UBN2: variants seen among roughly 807,000 people sequenced by gnomAD.
UBN2 encodes ubinuclein 2.
Under a neutral mutation model 120.2 loss-of-function variants are expected in UBN2, and 35 were observed. That is an observed-to-expected ratio of 0.29 (90% confidence interval 0.22 to 0.39). The LOEUF is 0.39. Among genes scored for constraint, UBN2 ranks in the 10% least tolerant of loss-of-function variants. The probability of loss-of-function intolerance (pLI) is 1.00; values close to 1 mark genes in which losing one functional copy is unlikely to be tolerated. For synonymous variants in UBN2, 661 were observed against 648.7 expected (o/e 1.02, Z -0.29); for missense variants, 1,693 against 1,663.2 (o/e 1.02, Z -0.31).
chr7:139,329,124 C>T, the UBN2 span, among the ~76,000 whole-genome samples: 1 of 150,556 alleles, frequency 6.6e-6, no homozygotes, highest in Admixed American at 6.7e-5. Flanking sequence ...GACAGAAATT[C>T]GTGTGAAATA....
At position 139,304,533 on chromosome 7, in the gene UBN2, G is replaced by A. The variant is rs1238487702; in HGVS notation, c.*6697G>A. ...TGCTGAGCAACGATTGTTGGAGTGTGTGTGTAAATTTAAATTGTAGCACAT... is the reference window on the plus strand; with the variant it reads ...TGCTGAGCAACGATTGTTGGAGTGTATGTGTAAATTTAAATTGTAGCACAT... On this transcript the variant is annotated 3_prime_UTR_variant, in exon 18 of 18. Transcript: ENST00000473989. 1.3e-5 allele frequency: 2 copies of A among 152,164 alleles called. No individual in the cohort carries two copies. Among genetic ancestry groups the A allele is most frequent in the Non-Finnish European group, 2.9e-5 (2 of 68,030 alleles). The allele number at this position is 152,164 out of a possible 1,614,324, so 9.4% of individuals were successfully genotyped here. A position where few individuals can be genotyped will look rare whatever the true frequency, so the allele number is the denominator to read the frequency against.
chr7:139,283,391 C>T lies in UBN2; in HGVS notation c.2486C>T (p.Ser829Phe). The change falls in exon 15 of 18, where the codon TCT becomes TTT. Residue 829 changes from serine to phenylalanine, a missense_variant. Physicochemically the swap from Ser to Phe is radical, Grantham distance 155. Transcript: ENST00000473989. ...KKLDSTQTTHSSSLIAGHTGP... is the reference protein window; with the variant it reads ...KKLDSTQTTHFSSLIAGHTGP... ...CTAGATTCTACTCAGACTACACATT[C>T]TTCAAGTCTTATTGCTGGTCACACA... 6.2e-7 allele frequency: 1 copy of T among 1,614,086 alleles called. No homozygotes were observed. The highest frequency in any genetic ancestry group is 1.1e-5 in the South Asian group (1 of 91,076).
chr7:139,258,359 C>T (rs1013492029), intron 3 of UBN2, 129 bp from the exon 4 acceptor site: 3 of 603,172 alleles, frequency 5.0e-6, no homozygotes, highest in Non-Finnish European at 5.2e-6. Context: ...ATTTTACAAA[C>T]ATCCTTATTG....
intron 12 of UBN2, chr7:139,277,150 G>A (rs1797468634): frequency 6.6e-6 from 1 of 152,166 alleles, no homozygotes; most frequent in Non-Finnish European, 1.5e-5. Context: ...ATTCTGCTGA[G>A]AGGTCTGTTT....
At position 139,302,036 on chromosome 7, in the gene UBN2, T is replaced by C. The variant is rs1798272066; in HGVS notation, c.*4200T>C. 1.3e-5 allele frequency: 2 copies of C among 152,322 alleles called. No individual in the cohort carries two copies. The highest frequency in any genetic ancestry group is 4.1e-4 in the South Asian group (2 of 4,830). 9.4% of individuals were successfully genotyped at this position (152,322 alleles called of 1,614,324 possible). ...TTTCTTAGCTCTGGTAAAATGCTTA[T>C]ATTACTCCTCTAAAACATGCTCAAT... On this transcript the variant is annotated 3_prime_UTR_variant, in exon 18 of 18. Coordinates refer to ENST00000473989, the MANE Select transcript of UBN2 (RefSeq NM_173569.4).
downstream of UBN2, among the ~76,000 whole-genome samples, chr7:139,308,847 G>C (rs926058388): frequency 6.6e-6 from 1 of 152,072 alleles, no homozygotes; most frequent in African/African-American, 2.4e-5. Flanking sequence ...AGAGGCGGGC[G>C]GATCACGAGG....
intron 7 of UBN2, 95 bp downstream of exon 7, chr7:139,266,498 C>A: frequency 3.0e-6 from 2 of 657,540 alleles, no homozygotes; most frequent in Non-Finnish European, 5.3e-6. Flanking sequence ...AAGTCTTGGG[C>A]ATGAGTTCTT....
At position 139,307,541 on chromosome 7, in the gene UBN2, G is replaced by A. The variant is rs970527169; in HGVS notation, c.*9705G>A. On this transcript the variant is annotated 3_prime_UTR_variant, in exon 18 of 18. Coordinates refer to ENST00000473989, the MANE Select transcript of UBN2 (RefSeq NM_173569.4). ...GTGGTGATGACATGTGAATGGGTGC[G>A]GGTATGTGTGCGTGTGTGTTTGTAT... The A allele has an allele frequency of 4.6e-5, 7 of 151,864 alleles. No individual in the cohort carries two copies. The highest frequency in any genetic ancestry group is 1.5e-4 in the African/African-American group (6 of 41,344). The allele number at this position is 151,864 out of a possible 1,614,324, so 9.4% of individuals were successfully genotyped here. A position where few individuals can be genotyped will look rare whatever the true frequency, so the allele number is the denominator to read the frequency against.
At chr7:139,278,382 A>G (rs975608362) in intron 12 of UBN2, among the ~76,000 whole-genome samples, 1 of 151,994 alleles carries the variant, frequency 6.6e-6, no homozygotes, top group East Asian at 1.9e-4. Flanking sequence ...GGGTTTCACC[A>G]TGTTGGCCAG....
the UBN2 span, among the ~76,000 whole-genome samples, chr7:139,320,788 G>A: frequency 5.0e-4 from 76 of 151,448 alleles, no homozygotes; most frequent in African/African-American, 1.8e-3. Context: ...ACCGGGAGGC[G>A]GAGGTTGCAG....
chr7:139,261,859 A>G (rs1796945982), intron 6 of UBN2, 118 bp downstream of exon 6: 1 of 1,041,530 alleles, frequency 9.6e-7, no homozygotes, highest in African/African-American at 1.6e-5. Flanking sequence ...TTTTTTAAAG[A>G]TAAAAATAAT....
rs539786829 is a variant in UBN2 at position 139,307,844 on chromosome 7, T to C, written c.*10008T>C. On this transcript the variant is annotated 3_prime_UTR_variant, in exon 18 of 18. Coordinates refer to ENST00000473989, the MANE Select transcript of UBN2 (RefSeq NM_173569.4). The stretch of plus-strand genomic sequence containing the variant: ...GTCTCTAGTTTTTAGAAAGCTCTTA[T>C]CACTCCTTCCTAAGAAAAAAGAAGG... 2 of 152,196 alleles carry C rather than the reference T, an allele frequency of 1.3e-5. No homozygotes were observed. Among genetic ancestry groups the C allele is most frequent in the East Asian group, 3.9e-4 (2 of 5,178 alleles). The allele number at this position is 152,196 out of a possible 1,614,324, so 9.4% of individuals were successfully genotyped here. A position where few individuals can be genotyped will look rare whatever the true frequency, so the allele number is the denominator to read the frequency against.
At chr7:139,284,598 G>A (rs1797726917) in intron 15 of UBN2, 24 bp downstream of exon 15, 1 of 1,564,880 alleles carries the variant, frequency 6.4e-7, no homozygotes, top group Non-Finnish European at 8.7e-7. Flanking sequence ...GTACGTCCAT[G>A]TGATAAACTA....
At chr7:139,316,065 G>A in the UBN2 span, among the ~76,000 whole-genome samples, 6 of 108,138 alleles carry the variant, frequency 5.5e-5, no homozygotes, top group Admixed American at 2.8e-4. Flanking sequence ...CAACAAGAGC[G>A]AGACTTCGTC....
At chr7:139,270,171 T>TCA (rs1260029157) in intron 8 of UBN2, among the ~76,000 whole-genome samples, 7 of 152,302 alleles carry the variant, frequency 4.6e-5, no homozygotes, top group Non-Finnish European at 1.0e-4. Flanking sequence ...TTTTTGAGCT[T>TCA]CATATATATA....
chr7:139,246,727 C>G (rs955574574), intron 2 of UBN2, among the ~76,000 whole-genome samples: 4 of 152,220 alleles, frequency 2.6e-5, no homozygotes, highest in African/African-American at 9.6e-5. Flanking sequence ...AACTTAGCCT[C>G]TGGCATCCTC....
rs1796546958 is a variant in UBN2 at position 139,249,012 on chromosome 7, G to GTGTGTGTC, written c.562-2937_562-2936insCTGTGTGT. ...GTATATGTATATATTTATTACATCT[G>GTGTGTGTC]TGTGTGTGTGTGTGTGTGTGTGTAT... On this transcript the variant is annotated intron_variant, in intron 2 of 17. Transcript: ENST00000473989. 1.4e-5 allele frequency among the ~76,000 whole-genome samples: 2 copies of GTGTGTGTC among 145,440 alleles called. 1 individual carries two copies. Among genetic ancestry groups the GTGTGTGTC allele is most frequent in the Admixed American group, 1.4e-4 (2 of 14,802 alleles).
Position 139,266,416 on chromosome 7 carries a change from C to A in UBN2, c.1466+13C>A. ...ATATTCTTCTGGAGTAAGTAATTTT[C>A]TTTAAAAAAAAAAACCTTAAGAATG... is the stretch of plus-strand genomic sequence containing the variant. On this transcript the variant is annotated intron_variant, in intron 7 of 17. Coordinates refer to ENST00000473989, the MANE Select transcript of UBN2 (RefSeq NM_173569.4). 51 of 1,316,164 alleles carry A rather than the reference C, an allele frequency of 3.9e-5. No individual in the cohort carries two copies. The highest frequency in any genetic ancestry group is 4.9e-5 in the Non-Finnish European group (46 of 940,372). 81.5% of individuals were successfully genotyped at this position (1,316,164 alleles called of 1,614,324 possible). A position where few individuals can be genotyped will look rare whatever the true frequency, so the allele number is the denominator to read the frequency against.
chr7:139,327,719 CTTAATGAACTAA>C, the UBN2 span, among the ~76,000 whole-genome samples: 10 of 152,162 alleles, frequency 6.6e-5, no homozygotes, highest in Non-Finnish European at 4.4e-5. Context: ...AGCACTCTGC[CTTAATGAACTAA>C]TAGCATAGAA....
Sources: allele counts gnomAD v4.1 joint callset (sites outside exome capture counted in the v4.1 genomes callset), GRCh38; gene constraint gnomAD v4.1.1; transcripts MANE v1.5; gene names NCBI Gene and HGNC (gene_info 2026-07-23, HGNC 2026-07-21).